DNAJC24: variants seen among roughly 807,000 people sequenced by gnomAD.
The protein encoded by DNAJC24 is dnaJ homolog subfamily C member 24.
DNAJC24 carries 17 observed loss-of-function variants against 18.0 expected under a neutral mutation model. The ratio of observed to expected loss-of-function variants is 0.94; its 90% CI spans 0.65 to 1.42. The LOEUF (loss-of-function observed/expected upper bound fraction) is 1.42, where lower values mean the gene tolerates loss of function less well. Ranked by LOEUF, DNAJC24 falls within the 40% of genes most tolerant of loss-of-function variation. The pLI, the probability that DNAJC24 is intolerant of heterozygous loss-of-function variation, is 0.00. For missense variants in DNAJC24, 158 were observed against 175.6 expected (o/e 0.90, Z 0.57); for synonymous variants, 55 against 57.7 (o/e 0.95, Z 0.21).
At position 31,430,521 on chromosome 11, in the gene DNAJC24, A is replaced by C. The variant is rs1325876836; in HGVS notation, c.*120A>C. The C allele has an allele frequency of 7.7e-6, 6 of 779,660 alleles. No individual in the cohort carries two copies. The highest frequency in any genetic ancestry group is 1.8e-5 in the African/African-American group (1 of 56,362). 48.3% of individuals were successfully genotyped at this position (779,660 alleles called of 1,614,324 possible). ...GCCCGATTATTTGCAAAGAAAATAT[A>C]CAATTATCAAGCAGAGACCACCTCA... is the stretch of plus-strand genomic sequence containing the variant. On this transcript the variant is annotated 3_prime_UTR_variant, in exon 5 of 5. Coordinates refer to ENST00000465995, the MANE Select transcript of DNAJC24 (RefSeq NM_181706.5).
intron 2 of DNAJC24, among the ~76,000 whole-genome samples, chr11:31,385,944 A>T (rs924009969): frequency 1.3e-5 from 2 of 152,172 alleles, no homozygotes; most frequent in Non-Finnish European, 2.9e-5. Flanking sequence ...TGCTTGGGGA[A>T]GGGAGAGCAC....
chr11:31,381,583 T>C (rs1358441045), intron 2 of DNAJC24, among the ~76,000 whole-genome samples: 4 of 151,748 alleles, frequency 2.6e-5, no homozygotes, highest in African/African-American at 9.7e-5. Flanking sequence ...AAATTTTTTT[T>C]TTTTTTTTTG....
chr11:31,417,688 A>G (rs1952763209), intron 3 of DNAJC24, among the ~76,000 whole-genome samples: 1 of 152,182 alleles, frequency 6.6e-6, no homozygotes, highest in East Asian at 1.9e-4. Flanking sequence ...ATTAACTTGC[A>G]GTATAAAATA....
At chr11:31,385,830 G>A (rs1312082749) in intron 2 of DNAJC24, among the ~76,000 whole-genome samples, 1 of 152,134 alleles carries the variant, frequency 6.6e-6, no homozygotes, top group Non-Finnish European at 1.5e-5. Context: ...ACTATATTAA[G>A]GAAGGAGGCA....
At position 31,432,467 on chromosome 11, in the gene DNAJC24, A is replaced by G; in HGVS notation, c.*2066A>G. 7.0e-7 allele frequency: 1 copy of G among 1,424,310 alleles called. No individual in the cohort carries two copies. Among genetic ancestry groups the G allele is most frequent in the Non-Finnish European group, 9.9e-7 (1 of 1,008,718 alleles). 88.2% of individuals were successfully genotyped at this position (1,424,310 alleles called of 1,614,324 possible). A position where few individuals can be genotyped will look rare whatever the true frequency, so the allele number is the denominator to read the frequency against. ...GGAGTAATAAATTCACATGAAAAGG[A>G]GACAATAATCAAGTCAAAAGAATAA... On this transcript the variant is annotated 3_prime_UTR_variant, in exon 5 of 5. Transcript: ENST00000465995.
intron 2 of DNAJC24, among the ~76,000 whole-genome samples, chr11:31,405,122 T>G (rs1228714194): frequency 6.7e-6 from 1 of 149,706 alleles, no homozygotes; most frequent in Admixed American, 6.7e-5. Context: ...GCTCAGGCAG[T>G]GCAGTGGTGT....
At chr11:31,392,362 C>A (rs1952505456) in intron 2 of DNAJC24, among the ~76,000 whole-genome samples, 1 of 151,982 alleles carries the variant, frequency 6.6e-6, no homozygotes, top group Non-Finnish European at 1.5e-5. Flanking sequence ...CGTATGTAAT[C>A]CATAAATATA....
chr11:31,410,183 G>C (rs1051079697), intron 2 of DNAJC24, among the ~76,000 whole-genome samples: 4 of 151,962 alleles, frequency 2.6e-5, no homozygotes. Context: ...ACCACACCCA[G>C]CCAGTCATTT....
chr11:31,426,549 A>G (rs1421007195), intron 4 of DNAJC24, 194 bp downstream of exon 4: 1 of 439,624 alleles, frequency 2.3e-6, no homozygotes, highest in Non-Finnish European at 4.0e-6. Flanking sequence ...GTCCCCCTAT[A>G]TGACTCATTT....
At chr11:31,421,976 A>G (rs1952808648) in intron 3 of DNAJC24, 1 of 446,528 alleles carries the variant, frequency 2.2e-6, no homozygotes, top group Middle Eastern at 3.3e-4. Flanking sequence ...TTGCAGGCTC[A>G]TAAACCTCTC....
chr11:31,426,292 G>A lies in DNAJC24; in HGVS notation c.256G>A (p.Asp86Asn). The A allele has an allele frequency of 6.5e-7, 1 of 1,536,262 alleles. No homozygotes were observed. The highest frequency in any genetic ancestry group is 8.8e-7 in the Non-Finnish European group (1 of 1,130,674). Reference sequence around the variant, plus strand: ...TCATGTTTTATGTTTTACAGAAGATGATCTAAGAAATGTAGGACCAGTAGA... The same window carrying A: ...TCATGTTTTATGTTTTACAGAAGATAATCTAAGAAATGTAGGACCAGTAGA... ...REYDLQRCEDDLRNVGPVDAQ... is the reference protein window; with the variant it reads ...REYDLQRCEDNLRNVGPVDAQ... The change falls in exon 4 of 5, where the codon GAT (aspartate) becomes AAT (asparagine). Residue 86 changes from aspartate to asparagine, a missense_variant. Coordinates refer to ENST00000465995, the MANE Select transcript of DNAJC24 (RefSeq NM_181706.5).
At chr11:31,382,422 C>T (rs1336661660) in intron 2 of DNAJC24, among the ~76,000 whole-genome samples, 1 of 152,224 alleles carries the variant, frequency 6.6e-6, no homozygotes, top group African/African-American at 2.4e-5. Flanking sequence ...CATAATTTAT[C>T]ATCATCAGTA....
chr11:31,406,116 G>A (rs1480994254), intron 2 of DNAJC24, among the ~76,000 whole-genome samples: 1 of 151,600 alleles, frequency 6.6e-6, no homozygotes, highest in African/African-American at 2.4e-5. Context: ...TTTTCCAAAT[G>A]TATTCTTTTG....
intron 2 of DNAJC24, among the ~76,000 whole-genome samples, chr11:31,410,518 GA>G (rs1475694377): frequency 2.0e-5 from 3 of 152,184 alleles, no homozygotes; most frequent in Non-Finnish European, 4.4e-5. Context: ...TTGATGAGCA[GA>G]AGGTTTTAAA....
At chr11:31,418,713 G>A (rs1464766134) in intron 3 of DNAJC24, among the ~76,000 whole-genome samples, 2 of 152,058 alleles carry the variant, frequency 1.3e-5, no homozygotes, top group Non-Finnish European at 2.9e-5. Context: ...CCAAAACAGC[G>A]TGGCTCAGAG....
intron 2 of DNAJC24, among the ~76,000 whole-genome samples, chr11:31,386,332 G>A (rs989954567): frequency 6.6e-6 from 1 of 151,604 alleles, no homozygotes; most frequent in African/African-American, 2.4e-5. Flanking sequence ...AACTCTGGGA[G>A]AGATTCCTTC....
At chr11:31,406,780 T>C (rs764113415) in intron 2 of DNAJC24, among the ~76,000 whole-genome samples, 1 of 152,060 alleles carries the variant, frequency 6.6e-6, no homozygotes, top group Non-Finnish European at 1.5e-5. Flanking sequence ...GTATTGGGAA[T>C]AGAAAGGAAA....
intron 2 of DNAJC24, among the ~76,000 whole-genome samples, chr11:31,388,411 T>C (rs973852056): frequency 6.6e-5 from 10 of 152,196 alleles, no homozygotes; most frequent in African/African-American, 1.7e-4. Flanking sequence ...CTAATGTGTC[T>C]GGCACCAGCC....
At chr11:31,403,494 T>C (rs1043762595) in intron 2 of DNAJC24, among the ~76,000 whole-genome samples, 16 of 152,296 alleles carry the variant, frequency 1.1e-4, no homozygotes, top group Admixed American at 3.3e-4. Flanking sequence ...GCTTACAAAA[T>C]CATAGGTGGA....
Sources: gnomAD v4.1 joint callset for allele counts (sites outside exome capture counted in the v4.1 genomes callset) on GRCh38, gnomAD v4.1.1 for gene constraint, MANE v1.5 for transcripts, NCBI Gene and HGNC (gene_info 2026-07-23, HGNC 2026-07-21) for gene names.